The following TTC28 variants were observed in gnomAD, a reference collection of about 807,000 sequenced individuals.
TTC28 encodes the protein tetratricopeptide repeat domain 28.
In TTC28, 61 loss-of-function variants were observed where a neutral mutation model predicts 198.0. The observed-to-expected ratio is 0.31, with a 90% CI of 0.25 to 0.38. The LOEUF is 0.38. TTC28 is among the 10% of genes least tolerant of loss of function. The probability of loss-of-function intolerance (pLI) is 1.00; values close to 1 mark genes in which losing one functional copy is unlikely to be tolerated. For missense variants in TTC28, 2,678 were observed against 3,164.0 expected (o/e 0.85, Z 3.69); for synonymous variants, 1,171 against 1,297.8 (o/e 0.90, Z 2.10).
At chr22:28,344,795 T>C (rs1394765666) in intron 2 of TTC28, among the ~76,000 whole-genome samples, 3 of 152,154 alleles carry the variant, frequency 2.0e-5, no homozygotes, top group Admixed American at 6.5e-5. Flanking sequence ...TCTGTCCCCA[T>C]GTGAAACCGG....
At chr22:27,992,872 C>T (rs1937465321) in intron 18 of TTC28, 1 of 603,514 alleles carries the variant, frequency 1.7e-6, no homozygotes. Flanking sequence ...GAGTCCTGAC[C>T]CTGCCGCAGT....
At chr22:28,283,325 T>TACACACAC (rs35766225) in intron 5 of TTC28, among the ~76,000 whole-genome samples, 29 of 149,628 alleles carry the variant, frequency 1.9e-4, no homozygotes, top group African/African-American at 4.7e-4. Flanking sequence ...CTTTCTCTCT[T>TACACACAC]ACACACACAC....
chr22:28,169,719 T>G (rs1204479345), intron 5 of TTC28, among the ~76,000 whole-genome samples: 1 of 152,122 alleles, frequency 6.6e-6, no homozygotes, highest in East Asian at 1.9e-4. Context: ...TACCTAATGC[T>G]AAATGACGAG....
In TTC28 at chr22:27,996,140, G is replaced by A; in HGVS notation, c.5239C>T (p.His1747Tyr). ...RARDALRVLL[H>Y]LVEKSLQRIQ... Reference sequence around the variant, plus strand: ...AGGGTGCCCGACCCCCTTACCAGGTGCAGCAGCACTCGCAGGGCGTCCCGC... The same window carrying A: ...AGGGTGCCCGACCCCCTTACCAGGTACAGCAGCACTCGCAGGGCGTCCCGC... Residue 1747 changes from histidine (H) to tyrosine (Y), a missense_variant, in exon 17 of 23, where the codon CAC becomes TAC. Transcript: ENST00000397906. 1 of 1,549,444 alleles carries A rather than the reference G, an allele frequency of 6.5e-7. No individual in the cohort carries two copies. The highest frequency in any genetic ancestry group is 8.7e-7 in the Non-Finnish European group (1 of 1,146,904).
rs979555159 is a variant in TTC28, at chr22:28,428,445, C to T, written c.382-121802G>A. Among the ~76,000 whole-genome samples the T allele has an allele frequency of 3.3e-5, 5 of 152,142 alleles. No individual in the cohort carries two copies. In the East Asian group the frequency reaches 7.7e-4, roughly 24 times the overall value. ...TTTCCTCCTCCTTTCTCCTGCTTTT[C>T]AATGTTTCCATAGCACCCTATCTGT... is the stretch of plus-strand genomic sequence containing the variant. On this transcript the variant is annotated intron_variant, in intron 2 of 22. Coordinates refer to ENST00000397906, the MANE Select transcript of TTC28 (RefSeq NM_001145418.2).
At chr22:28,302,243 T>C (rs1008343644) in intron 3 of TTC28, among the ~76,000 whole-genome samples, 4 of 151,994 alleles carry the variant, frequency 2.6e-5, no homozygotes, top group African/African-American at 9.7e-5. Flanking sequence ...CAGATAGTTT[T>C]AGTTGAGAAT....
At chr22:28,224,556 A>T (rs1928139950) in intron 5 of TTC28, among the ~76,000 whole-genome samples, 1 of 152,166 alleles carries the variant, frequency 6.6e-6, no homozygotes, top group African/African-American at 2.4e-5. Flanking sequence ...GCTAAAAACT[A>T]GGAGCTGGCA....
intron 5 of TTC28, among the ~76,000 whole-genome samples, chr22:28,227,073 C>T (rs915618407): frequency 6.6e-6 from 1 of 152,092 alleles, no homozygotes; most frequent in Non-Finnish European, 1.5e-5. Context: ...TACAGATGCA[C>T]ACCTCCATGC....
intron 2 of TTC28, among the ~76,000 whole-genome samples, chr22:28,311,107 A>G (rs988010950): frequency 6.6e-6 from 1 of 151,990 alleles, no homozygotes. Flanking sequence ...CGATATTTCA[A>G]ATTTGGAATT....
At chr22:28,558,341 T>C (rs1417442510) in intron 2 of TTC28, among the ~76,000 whole-genome samples, 2 of 152,150 alleles carry the variant, frequency 1.3e-5, no homozygotes, top group African/African-American at 2.4e-5. Flanking sequence ...TTTTGTCAAG[T>C]AGTACCTCAC....
intron 12 of TTC28, among the ~76,000 whole-genome samples, chr22:28,081,959 G>C (rs1750870296): frequency 6.6e-6 from 1 of 151,948 alleles, no homozygotes. Context: ...TCAGTATATG[G>C]GTCTTTCCCT....
At chr22:28,385,958 C>T (rs372579331) in intron 2 of TTC28, among the ~76,000 whole-genome samples, 1 of 152,104 alleles carries the variant, frequency 6.6e-6, no homozygotes, top group African/African-American at 2.4e-5. Context: ...TTTCTAAGCC[C>T]CGCTCGAGTC....
At chr22:28,453,255 C>A (rs562863366) in intron 2 of TTC28, among the ~76,000 whole-genome samples, 1 of 152,216 alleles carries the variant, frequency 6.6e-6, no homozygotes, top group South Asian at 2.1e-4. Context: ...GACTGGCTAG[C>A]AAGACACATT....
At position 27,993,138 on chromosome 22, in the gene TTC28, G is replaced by A. The variant is rs369599023; in HGVS notation, c.5476+149C>T. ...GTTTCCTCCAGGTGTGGAGATGCTT[G>A]TATCTGGGACCCCCTGCCATTTCTC... is the stretch of plus-strand genomic sequence containing the variant. On this transcript the variant is annotated intron_variant, in intron 18 of 22. Transcript: ENST00000397906. The A allele has an allele frequency of 1.0e-3, 697 of 699,718 alleles. 2 individuals carry two copies. The highest frequency in any genetic ancestry group is 2.5e-3 in the Middle Eastern group (6 of 2,432). 43.3% of individuals were successfully genotyped at this position (699,718 alleles called of 1,614,324 possible).
At chr22:28,302,832 G>A (rs978699816) in intron 3 of TTC28, among the ~76,000 whole-genome samples, 1 of 152,068 alleles carries the variant, frequency 6.6e-6, no homozygotes, top group Non-Finnish European at 1.5e-5. Flanking sequence ...CCGAGCCTAT[G>A]TTTTTAACAT....
At chr22:28,153,422 T>C (rs866383494) in intron 6 of TTC28, among the ~76,000 whole-genome samples, 1 of 147,580 alleles carries the variant, frequency 6.8e-6, no homozygotes, top group South Asian at 2.2e-4. Context: ...AAAAAAACCT[T>C]CGTTTTTTGT....
chr22:28,432,055 G>A (rs1262959770), intron 2 of TTC28, among the ~76,000 whole-genome samples: 2 of 152,022 alleles, frequency 1.3e-5, no homozygotes, highest in Admixed American at 6.6e-5. Flanking sequence ...GGAGGCCGAG[G>A]TGGGCGGATC....
chr22:28,597,757 A>C (rs1270241716), intron 2 of TTC28, among the ~76,000 whole-genome samples: 1 of 152,200 alleles, frequency 6.6e-6, no homozygotes, highest in Non-Finnish European at 1.5e-5. Flanking sequence ...AAATTTGAGA[A>C]TAGCCTAAAA....
intron 2 of TTC28, among the ~76,000 whole-genome samples, chr22:28,350,037 T>C (rs1166439892): frequency 6.6e-6 from 1 of 152,216 alleles, no homozygotes; most frequent in Admixed American, 6.5e-5. Context: ...AGAGTAAATG[T>C]ACCTCTTTTC....
Sources: gnomAD v4.1 joint callset for allele counts (sites outside exome capture counted in the v4.1 genomes callset) on GRCh38, gnomAD v4.1.1 for gene constraint, MANE v1.5 for transcripts, NCBI Gene and HGNC (gene_info 2026-07-23, HGNC 2026-07-21) for gene names.